The following LCP2 variants were observed in gnomAD, a reference collection of about 807,000 sequenced individuals.
The protein encoded by LCP2 is 76 kDa tyrosine phosphoprotein.
LCP2 carries 29 observed loss-of-function variants against 74.5 expected under a neutral mutation model. That is an observed-to-expected ratio of 0.39 (90% confidence interval 0.29 to 0.53). LCP2 has a LOEUF of 0.53. LCP2 is among the 20% of genes least tolerant of loss of function. LCP2 has a pLI of 0.72. For missense variants in LCP2, 604 were observed against 634.6 expected (o/e 0.95, Z 0.52); for synonymous variants, 228 against 229.5 (o/e 0.99, Z 0.06).
Position 170,248,596 on chromosome 5 carries a change from G to T in LCP2, c.*101C>A. ...TAAAACCCTTGTGTTCATGGGGAGG[G>T]GTTCAGTTCAGTCCTAAGTGTTTGT... On this transcript the variant is annotated 3_prime_UTR_variant, in exon 21 of 21. Coordinates refer to ENST00000046794, the MANE Select transcript of LCP2 (RefSeq NM_005565.5). 8.1e-7 allele frequency: 1 copy of T among 1,235,066 alleles called. No individual in the cohort carries two copies. The highest frequency in any genetic ancestry group is 1.2e-6 in the Non-Finnish European group (1 of 865,886). 76.5% of individuals were successfully genotyped at this position (1,235,066 alleles called of 1,614,324 possible). A position where few individuals can be genotyped will look rare whatever the true frequency, so the allele number is the denominator to read the frequency against.
In LCP2 at chr5:170,272,736, C is replaced by T. The variant is rs1761918264; in HGVS notation, c.324+1565G>A. Reference sequence around the variant, plus strand: ...CAAGCAATTCTCCTGCCTCAGCCGCCCAAGTAGCTGGGACTACAGGCACGC... The same window carrying T: ...CAAGCAATTCTCCTGCCTCAGCCGCTCAAGTAGCTGGGACTACAGGCACGC... On this transcript the variant is annotated intron_variant, in intron 6 of 20. Transcript: ENST00000046794. 2.0e-5 allele frequency among the ~76,000 whole-genome samples: 3 copies of T among 150,654 alleles called. No individual in the cohort carries two copies. The Admixed American group carries it at 2.0e-4, about 10-fold the overall frequency.
intron 3 of LCP2, among the ~76,000 whole-genome samples, chr5:170,287,031 T>C (rs948578467): frequency 1.4e-4 from 21 of 152,216 alleles, no homozygotes; most frequent in Admixed American, 1.2e-3. Flanking sequence ...ATATTTCTAG[T>C]TATTCTTGAT....
rs756659936 is a variant in LCP2, at chr5:170,248,805, C to T, written c.1494G>A (p.Val498=). ...TCCTGAAGTAGTCAATAATATCTGA[C>T]ACAGACAGAAAGTCCTGAAAGAGTC... ...GLRGKEDFLS[V]SDIIDYFRKM... Residue 498 remains valine (V), a synonymous_variant, in exon 21 of 21, where the codon GTG becomes GTA. Transcript: ENST00000046794. 2 of 1,612,338 alleles carry T rather than the reference C, an allele frequency of 1.2e-6. No homozygotes were observed. The highest frequency in any genetic ancestry group is 1.7e-5 in the Admixed American group (1 of 59,788).
intron 6 of LCP2, among the ~76,000 whole-genome samples, chr5:170,272,965 A>G (rs1761922568): frequency 6.6e-6 from 1 of 150,944 alleles, no homozygotes; most frequent in African/African-American, 2.4e-5. Flanking sequence ...CTTGTCCCTC[A>G]TCCTTCTTCA....
intron 3 of LCP2, among the ~76,000 whole-genome samples, chr5:170,287,285 A>G (rs1359363919): frequency 6.6e-6 from 1 of 152,208 alleles, no homozygotes; most frequent in Non-Finnish European, 1.5e-5. Context: ...CAATGATGAT[A>G]AAACAAAACA....
At chr5:170,269,114 A>G (rs1374219875) in intron 7 of LCP2, among the ~76,000 whole-genome samples, 1 of 152,136 alleles carries the variant, frequency 6.6e-6, no homozygotes, top group Non-Finnish European at 1.5e-5. Flanking sequence ...CCATAAAGGG[A>G]GGAGCTGATC....
At chr5:170,294,409 T>A (rs1762337203) in intron 1 of LCP2, among the ~76,000 whole-genome samples, 1 of 152,186 alleles carries the variant, frequency 6.6e-6, no homozygotes, top group Admixed American at 6.5e-5. Context: ...AGCAATCATA[T>A]GAGGTGCTAG....
At position 170,262,673 on chromosome 5, in the gene LCP2, C is replaced by G. The variant is rs753917093; in HGVS notation, c.888G>C (p.Arg296Ser). The change falls in exon 13 of 21, where the codon AGG (arginine) becomes AGC (serine). Residue 296 changes from arginine to serine, a missense_variant. Physicochemically the swap from Arg to Ser is moderately radical, Grantham distance 110. Transcript: ENST00000046794. ...PLPPTTERHE[R>S]SSPLPGKKPP... ...GCTTCTTCCCTGGCAGGGGGCTGCT[C>G]CTTTCATGTCTTTCCGTGGTCGGTG... 18 of 1,613,866 alleles carry G rather than the reference C, an allele frequency of 1.1e-5. 1 individual carries two copies. In the South Asian group the frequency reaches 2.0e-4, roughly 18 times the overall value.
intron 17 of LCP2, 135 bp from the exon 18 acceptor site, chr5:170,253,348 A>G: frequency 1.9e-6 from 1 of 527,242 alleles, no homozygotes; most frequent in Admixed American, 3.8e-5. Flanking sequence ...ATTTTAAGAA[A>G]CAAGGGCTTC....
intron 20 of LCP2, among the ~76,000 whole-genome samples, chr5:170,249,362 G>GTATATATATA (rs72371153): frequency 0.01 from 1,130 of 108,086 alleles, 13 homozygotes; most frequent in African/African-American, 0.032. Context: ...GCATGCGTGT[G>GTATATATATA]TATATATATA....
intron 13 of LCP2, 43 bp from the exon 14 acceptor site, chr5:170,261,180 G>A (rs750677490): frequency 2.1e-6 from 3 of 1,450,950 alleles, no homozygotes; most frequent in Non-Finnish European, 2.9e-6. Flanking sequence ...AGCATGAAGA[G>A]TTTCAAAGAG....
chr5:170,286,163 C>T (rs566299937), intron 3 of LCP2, among the ~76,000 whole-genome samples: 38 of 152,300 alleles, frequency 2.5e-4, no homozygotes, highest in Admixed American at 5.2e-4. Flanking sequence ...AAATGGTTGA[C>T]GTACCTTAGG....
At position 170,252,430 on chromosome 5, in the gene LCP2, A is replaced by G. The variant is rs1761465468; in HGVS notation, c.1323+4T>C. ...CTATGTTAAAATAAACTATAGCACAATACCTGGTTTATCTTTCTAAGAGCA... is the reference window on the plus strand; with the variant it reads ...CTATGTTAAAATAAACTATAGCACAGTACCTGGTTTATCTTTCTAAGAGCA... On this transcript the variant is annotated splice_donor_region_variant and intron_variant, in intron 19 of 20. Transcript: ENST00000046794. The G allele has an allele frequency of 1.3e-6, 2 of 1,518,050 alleles. No individual in the cohort carries two copies. The highest frequency in any genetic ancestry group is 1.8e-6 in the Non-Finnish European group (2 of 1,099,128). 94.0% of individuals were successfully genotyped at this position (1,518,050 alleles called of 1,614,324 possible).
At chr5:170,261,195 C>G (rs1257764019) in intron 13 of LCP2, 58 bp from the exon 14 acceptor site, 6 of 1,295,148 alleles carry the variant, frequency 4.6e-6, no homozygotes, top group Non-Finnish European at 6.7e-6. Flanking sequence ...AAAGAGCCAG[C>G]CTTAGAATAC....
intron 10 of LCP2, among the ~76,000 whole-genome samples, chr5:170,266,184 T>C (rs567702353): frequency 6.6e-6 from 1 of 152,348 alleles, no homozygotes; most frequent in East Asian, 1.9e-4. Context: ...TGAAGGTAAC[T>C]GCAATCCAAG....
At position 170,250,840 on chromosome 5, in the gene LCP2, T is replaced by C; in HGVS notation, c.1369A>G (p.Asn457Asp). 1.2e-6 allele frequency: 2 copies of C among 1,613,472 alleles called. No individual in the cohort carries two copies. Among genetic ancestry groups the C allele is most frequent in the Non-Finnish European group, 8.5e-7 (1 of 1,179,404 alleles). Residue 457 changes from asparagine (N) to aspartate (D), a missense_variant, in exon 20 of 21, where the codon AAT becomes GAT. Asn to Asp is a conservative substitution (Grantham distance 23). Coordinates refer to ENST00000046794, the MANE Select transcript of LCP2 (RefSeq NM_005565.5). The stretch of plus-strand genomic sequence containing the variant: ...TACAACACCATGAGGACATATGGAT[T>C]GGTTGTTGTTTTTTTAGAGCTGTCT... Reference protein sequence around the residue: ...VRDSSKKTTTNPYVLMVLYKD... With the variant: ...VRDSSKKTTTDPYVLMVLYKD...
rs1761420273 is a variant in LCP2 at position 170,250,777 on chromosome 5, T to C, written c.1432A>G (p.Lys478Glu). 1 of 1,613,132 alleles carries C rather than the reference T, an allele frequency of 6.2e-7. No individual in the cohort carries two copies. Among genetic ancestry groups the C allele is most frequent in the African/African-American group, 1.3e-5 (1 of 74,928 alleles). ...CCCAACAAGTAAACTTGACTTTCCT[T>C]CTGATAACGGATCTGGATGTTGTAA... Reference protein sequence around the residue: ...KVYNIQIRYQKESQVYLLGTG... With the variant: ...KVYNIQIRYQEESQVYLLGTG... The change falls in exon 20 of 21, where the codon AAG becomes GAG. Residue 478 changes from lysine to glutamate, a missense_variant. Physicochemically the swap from Lys to Glu is moderately conservative, Grantham distance 56. Coordinates refer to ENST00000046794, the MANE Select transcript of LCP2 (RefSeq NM_005565.5).
chr5:170,267,397 A>G (rs1761785768), intron 8 of LCP2: 1 of 420,156 alleles, frequency 2.4e-6, no homozygotes, highest in Admixed American at 3.7e-5. Flanking sequence ...TGCCCTCTCA[A>G]CTCTTTCCTG....
At chr5:170,254,643 A>G (rs1032583552) in intron 17 of LCP2, among the ~76,000 whole-genome samples, 1 of 152,184 alleles carries the variant, frequency 6.6e-6, no homozygotes, top group Non-Finnish European at 1.5e-5. Flanking sequence ...TTGTTGAATG[A>G]ATGAAACCTA....
Sources: gnomAD v4.1 joint callset for allele counts (sites outside exome capture counted in the v4.1 genomes callset) on GRCh38, gnomAD v4.1.1 for gene constraint, MANE v1.5 for transcripts, NCBI Gene and HGNC (gene_info 2026-07-23, HGNC 2026-07-21) for gene names.